The following IQCM variants were observed in gnomAD, a reference collection of about 807,000 sequenced individuals.
The protein encoded by IQCM is IQ motif containing M, also known as IQ domain-containing protein M.
In IQCM, 45 loss-of-function variants were observed where a neutral mutation model predicts 57.6. The ratio of observed to expected loss-of-function variants is 0.78; its 90% CI spans 0.62 to 1.00. IQCM has a LOEUF of 1.00. IQCM is among the 50% of genes least tolerant of loss of function. IQCM has a pLI of 0.00. For missense variants in IQCM, 468 were observed against 511.6 expected (o/e 0.91, Z 0.82); for synonymous variants, 148 against 158.9 (o/e 0.93, Z 0.51).
At chr4:149,543,763 AC>A (rs1748102224) in intron 12 of IQCM, among the ~76,000 whole-genome samples, 2 of 145,890 alleles carry the variant, frequency 1.4e-5, no homozygotes, top group East Asian at 2.0e-4. Context: ...TGAAAAAAAA[AC>A]AATTGCTATT....
chr4:149,663,113 C>T (rs1760372115), intron 7 of IQCM, among the ~76,000 whole-genome samples: 1 of 151,860 alleles, frequency 6.6e-6, no homozygotes, highest in Non-Finnish European at 1.5e-5. Flanking sequence ...CATAAAGAGT[C>T]TTGTAGTTAT....
intron 12 of IQCM, among the ~76,000 whole-genome samples, chr4:149,533,002 T>G (rs1746907095): frequency 6.6e-6 from 1 of 152,106 alleles, no homozygotes; most frequent in Non-Finnish European, 1.5e-5. Context: ...GCTTTATGAG[T>G]AACTGATATT....
Position 149,789,497 on chromosome 4 carries a change from A to G in IQCM, c.-49+25814T>C, listed in dbSNP as rs560416566. On this transcript the variant is annotated intron_variant, in intron 2 of 13. Transcript: ENST00000636793. ...TAGCTTTTAAATTTATCATCTCAAT[A>G]TTAACATCCAGACAAATATTATGAA... Among the ~76,000 whole-genome samples, 3 of 152,270 alleles carry G rather than the reference A, an allele frequency of 2.0e-5. No individual in the cohort carries two copies. The East Asian group carries it at 5.8e-4, about 29-fold the overall frequency.
At chr4:149,420,152 A>T (rs1055115612) in intron 13 of IQCM, among the ~76,000 whole-genome samples, 3 of 152,152 alleles carry the variant, frequency 2.0e-5, no homozygotes, top group African/African-American at 4.8e-5. Flanking sequence ...GTATATACCC[A>T]AAGGAATATA....
intron 8 of IQCM, among the ~76,000 whole-genome samples, chr4:149,610,756 T>C (rs1044048754): frequency 1.3e-5 from 2 of 151,968 alleles, no homozygotes; most frequent in Admixed American, 1.3e-4. Flanking sequence ...GACTCAAAAC[T>C]ATGAAAATAC....
chr4:149,588,567 TGA>T (rs1752850883), intron 8 of IQCM, among the ~76,000 whole-genome samples: 1 of 151,752 alleles, frequency 6.6e-6, no homozygotes, highest in Non-Finnish European at 1.5e-5. Context: ...TATGGCTGAA[TGA>T]GGTCAAAAGG....
chr4:149,712,052 G>C (rs1485053122), intron 5 of IQCM, among the ~76,000 whole-genome samples: 1 of 152,154 alleles, frequency 6.6e-6, no homozygotes, highest in Non-Finnish European at 1.5e-5. Context: ...CAGCAGGCTT[G>C]TTCCCCTGGT....
At chr4:149,752,241 T>C (rs1768518659) in intron 2 of IQCM, among the ~76,000 whole-genome samples, 1 of 152,018 alleles carries the variant, frequency 6.6e-6, no homozygotes, top group Non-Finnish European at 1.5e-5. Flanking sequence ...AAAGCACCTA[T>C]CTTTTTCTCA....
intron 9 of IQCM, among the ~76,000 whole-genome samples, chr4:149,566,845 A>G (rs1423245379): frequency 6.6e-6 from 1 of 152,208 alleles, no homozygotes; most frequent in Admixed American, 6.5e-5. Context: ...GTCTTGATGG[A>G]AAACAAATTG....
intron 13 of IQCM, among the ~76,000 whole-genome samples, chr4:149,381,105 T>G (rs1731047523): frequency 6.6e-6 from 1 of 152,164 alleles, no homozygotes; most frequent in Non-Finnish European, 1.5e-5. Flanking sequence ...TAAAACTATT[T>G]GACTTTGATT....
At chr4:149,584,413 G>T (rs978125363) in intron 9 of IQCM, among the ~76,000 whole-genome samples, 1 of 151,488 alleles carries the variant, frequency 6.6e-6, no homozygotes, top group Non-Finnish European at 1.5e-5. Context: ...TATAAATGTT[G>T]AGCATAGGTG....
intron 2 of IQCM, among the ~76,000 whole-genome samples, chr4:149,766,861 A>C (rs184130295): frequency 2.0e-5 from 3 of 152,210 alleles, no homozygotes; most frequent in Non-Finnish European, 4.4e-5. Flanking sequence ...TAAAAACATC[A>C]TTGCATATAA....
chr4:149,749,999 C>T (rs1768281721), intron 2 of IQCM, among the ~76,000 whole-genome samples: 1 of 152,146 alleles, frequency 6.6e-6, no homozygotes, highest in Non-Finnish European at 1.5e-5. Flanking sequence ...GAAAAGAAGT[C>T]CTAAAGCATT....
At position 149,568,293 on chromosome 4, in the gene IQCM, G is replaced by A. The variant is rs552722352; in HGVS notation, c.750-4403C>T. ...CCTATCCATGTGCTGCCCAAATAAA[G>A]CTTGGTATGGGCTACTGCCACCTCA... On this transcript the variant is annotated intron_variant, in intron 9 of 13. Coordinates refer to ENST00000636793, the MANE Select transcript of IQCM (RefSeq NM_001363507.2). Among the ~76,000 whole-genome samples, 29 of 152,236 alleles carry A rather than the reference G, an allele frequency of 1.9e-4. No individual in the cohort carries two copies. In the South Asian group the frequency reaches 5.8e-3, roughly 31 times the overall value.
chr4:149,538,119 T>A (rs939213559), intron 12 of IQCM, among the ~76,000 whole-genome samples: 14 of 151,522 alleles, frequency 9.2e-5, no homozygotes, highest in Non-Finnish European at 1.3e-4. Flanking sequence ...GTATAAAAGA[T>A]ATCTGCAAAT....
chr4:149,796,268 T>G (rs549003264), intron 2 of IQCM, among the ~76,000 whole-genome samples: 2 of 152,136 alleles, frequency 1.3e-5, no homozygotes, highest in Non-Finnish European at 2.9e-5. Context: ...TAAGCAGTAG[T>G]CTGGCAGTAC....
At chr4:149,708,911 A>T (rs1007668110) in intron 5 of IQCM, among the ~76,000 whole-genome samples, 1 of 152,226 alleles carries the variant, frequency 6.6e-6, no homozygotes, top group African/African-American at 2.4e-5. Context: ...ACAGAACAGG[A>T]ATCTGACTCA....
intron 9 of IQCM, among the ~76,000 whole-genome samples, chr4:149,584,240 C>A (rs966817351): frequency 1.3e-5 from 2 of 151,392 alleles, no homozygotes; most frequent in Admixed American, 6.6e-5. Flanking sequence ...TTTAGAATTT[C>A]TCAACCATAT....
intron 12 of IQCM, among the ~76,000 whole-genome samples, chr4:149,510,215 C>T (rs1354175052): frequency 6.6e-6 from 1 of 152,080 alleles, no homozygotes; most frequent in Non-Finnish European, 1.5e-5. Context: ...TTTTAATCTG[C>T]ATTTCTCTGG....
Sources: allele counts gnomAD v4.1 joint callset (sites outside exome capture counted in the v4.1 genomes callset), GRCh38; gene constraint gnomAD v4.1.1; transcripts MANE v1.5; gene names NCBI Gene and HGNC (gene_info 2026-07-23, HGNC 2026-07-21).